DDX4: variants seen among roughly 807,000 people sequenced by gnomAD.
DDX4 encodes DEAD-box helicase 4.
DDX4 carries 25 observed loss-of-function variants against 100.0 expected under a neutral mutation model. The observed-to-expected ratio is 0.25, with a 90% CI of 0.18 to 0.35. The LOEUF (loss-of-function observed/expected upper bound fraction) is 0.35. Among genes scored for constraint, DDX4 ranks in the 10% least tolerant of loss-of-function variants. DDX4 has a pLI of 1.00. For synonymous variants in DDX4, 259 were observed against 275.7 expected, an observed-to-expected ratio of 0.94 and a Z score of 0.60; for missense variants, 635 against 882.4, an observed-to-expected ratio of 0.72 and a Z score of 3.55.
Position 55,816,708 on chromosome 5 carries a change from T to G in DDX4, c.*168T>G, listed in dbSNP as rs1470556853. 2.5e-6 allele frequency: 3 copies of G among 1,178,090 alleles called. No homozygotes were observed. The highest frequency in any genetic ancestry group is 3.1e-5 in the Admixed American group (1 of 32,170). The allele number at this position is 1,178,090 out of a possible 1,614,324, so 73.0% of individuals were successfully genotyped here. ...CTTACTGACTAGTTATGTGAGATGC[T>G]AAAACTTACAACATTGCAGTTACTG... is the stretch of plus-strand genomic sequence containing the variant. On this transcript the variant is annotated 3_prime_UTR_variant, in exon 22 of 22. Transcript: ENST00000505374.
At chr5:55,805,500 C>T (rs968033873) in intron 18 of DDX4, among the ~76,000 whole-genome samples, 12 of 151,842 alleles carry the variant, frequency 7.9e-5, no homozygotes, top group African/African-American at 2.9e-4. Flanking sequence ...TACGTCCCAT[C>T]AATACCTAAT....
chr5:55,751,725 A>G (rs1759563303), intron 3 of DDX4, among the ~76,000 whole-genome samples: 1 of 152,172 alleles, frequency 6.6e-6, no homozygotes, highest in African/African-American at 2.4e-5. Flanking sequence ...TAGACACTGA[A>G]TATCTTCTTC....
chr5:55,803,441 C>T (rs1743458493), intron 18 of DDX4, among the ~76,000 whole-genome samples: 1 of 148,902 alleles, frequency 6.7e-6, no homozygotes, highest in Admixed American at 6.7e-5. Flanking sequence ...CGTCATCTAG[C>T]ATTAGGTATA....
In DDX4 at chr5:55,755,011, G is replaced by A. The variant is rs561476780; in HGVS notation, c.128-5189G>A. On this transcript the variant is annotated intron_variant, in intron 3 of 21. Coordinates refer to ENST00000505374, the MANE Select transcript of DDX4 (RefSeq NM_024415.3). Reference sequence around the variant, plus strand: ...GGTAGTAACCATTTTTAAATGTACCGTTGAATCCCTTTTTTTCAATATGGT... The same window carrying A: ...GGTAGTAACCATTTTTAAATGTACCATTGAATCCCTTTTTTTCAATATGGT... 1.8e-3 allele frequency among the ~76,000 whole-genome samples: 276 copies of A among 152,194 alleles called. 2 individuals are homozygous for A. The highest frequency in any genetic ancestry group is 6.2e-3 in the African/African-American group (257 of 41,540).
chr5:55,753,384 A>T (rs905945642), intron 3 of DDX4, among the ~76,000 whole-genome samples: 81 of 152,180 alleles, frequency 5.3e-4, no homozygotes, highest in African/African-American at 1.6e-3. Context: ...TCAGCTTTCT[A>T]CATATGGCTA....
intron 7 of DDX4, among the ~76,000 whole-genome samples, chr5:55,775,097 A>T (rs749907922): frequency 2.6e-5 from 4 of 152,188 alleles, no homozygotes; most frequent in Admixed American, 6.5e-5. Flanking sequence ...TAGGTATTTC[A>T]TACAAGTGGA....
intron 15 of DDX4, among the ~76,000 whole-genome samples, chr5:55,788,572 CAG>C (rs1554079337): frequency 3.9e-5 from 6 of 152,116 alleles, no homozygotes; most frequent in Non-Finnish European, 7.4e-5. Context: ...AAAATGAACT[CAG>C]GGTATTCTAA....
intron 7 of DDX4, among the ~76,000 whole-genome samples, chr5:55,772,401 T>G (rs954523180): frequency 6.6e-6 from 1 of 152,184 alleles, no homozygotes; most frequent in Non-Finnish European, 1.5e-5. Context: ...TGTATCTGTT[T>G]CTCTAGGTTT....
chr5:55,773,614 C>T (rs1383201050), intron 7 of DDX4, among the ~76,000 whole-genome samples: 1 of 151,800 alleles, frequency 6.6e-6, no homozygotes, highest in African/African-American at 2.4e-5. Flanking sequence ...AGTGGTATCT[C>T]ATTGTGGGTT....
chr5:55,796,823 C>CTTTTTTTTTTTTTTTTTTTTT lies in DDX4; in HGVS notation c.1470-1589_1470-1569dup, dbSNP rs3990072. 3.2e-3 allele frequency among the ~76,000 whole-genome samples: 189 copies of CTTTTTTTTTTTTTTTTTTTTT among 59,952 alleles called. 23 individuals are homozygous for CTTTTTTTTTTTTTTTTTTTTT. Among genetic ancestry groups the CTTTTTTTTTTTTTTTTTTTTT allele is most frequent in the Middle Eastern group, 0.017 (1 of 60 alleles). The allele number at this position is 59,952 out of a possible 152,430, so 39.3% of individuals were successfully genotyped here. ...TTTTCTTTTCTTTTTTTCTTTCTTT[C>CTTTTTTTTTTTTTTTTTTTTT]TTTTTTTTTTTTTTTTTTTTTTTTT... On this transcript the variant is annotated intron_variant, in intron 17 of 21. Coordinates refer to ENST00000505374, the MANE Select transcript of DDX4 (RefSeq NM_024415.3).
chr5:55,801,973 A>G (rs2112123041), intron 18 of DDX4, among the ~76,000 whole-genome samples: 1 of 152,202 alleles, frequency 6.6e-6, no homozygotes, highest in South Asian at 2.1e-4. Context: ...CTTCCTTAAA[A>G]TCTCCAAGGC....
rs183780115 is a variant in DDX4, at chr5:55,807,166, A to G, written c.1616-6507A>G. 9.7e-3 allele frequency among the ~76,000 whole-genome samples: 1,475 copies of G among 151,588 alleles called. 12 individuals are homozygous for G. Among genetic ancestry groups the G allele is most frequent in the Middle Eastern group, 0.037 (11 of 294 alleles). On this transcript the variant is annotated intron_variant, in intron 18 of 21. Coordinates refer to ENST00000505374, the MANE Select transcript of DDX4 (RefSeq NM_024415.3). ...CAACCCCTGCCTTTTTTTGTTTTCC[A>G]TTTGCTTGGTAGATCTTCCTCCATC...
At chr5:55,751,943 T>G (rs1262934746) in intron 3 of DDX4, among the ~76,000 whole-genome samples, 1 of 152,188 alleles carries the variant, frequency 6.6e-6, no homozygotes, top group Non-Finnish European at 1.5e-5. Context: ...ACTCATCCTT[T>G]TTGAATCATG....
At chr5:55,756,920 A>T (rs954881624) in intron 3 of DDX4, among the ~76,000 whole-genome samples, 1 of 152,154 alleles carries the variant, frequency 6.6e-6, no homozygotes, top group Non-Finnish European at 1.5e-5. Flanking sequence ...ATATATATCA[A>T]TGACAGCATA....
At chr5:55,797,236 T>G (rs553072196) in intron 17 of DDX4, among the ~76,000 whole-genome samples, 23 of 152,326 alleles carry the variant, frequency 1.5e-4, no homozygotes, top group African/African-American at 5.3e-4. Flanking sequence ...CTTTGCACAT[T>G]TCTTGGAACA....
chr5:55,750,393 C>T (rs12653775), intron 3 of DDX4: 57,634 of 153,178 alleles, frequency 0.38, 12,024 homozygotes, highest in African/African-American at 0.54. Flanking sequence ...TCAGGAATTC[C>T]TGGTCCCAAA....
chr5:55,766,906 C>G (rs1308699311), intron 6 of DDX4: 1 of 1,514,520 alleles, frequency 6.6e-7, no homozygotes, highest in East Asian at 2.5e-5. Context: ...AAAATCATTC[C>G]TTTCAGAATA....
intron 18 of DDX4, among the ~76,000 whole-genome samples, chr5:55,803,199 T>G (rs1224143528): frequency 1.3e-5 from 2 of 149,918 alleles, no homozygotes; most frequent in South Asian, 4.3e-4. Context: ...ACATGTGGTG[T>G]TTGTTTTTTT....
chr5:55,803,247 C>A (rs2112131386), intron 18 of DDX4, among the ~76,000 whole-genome samples: 1 of 151,586 alleles, frequency 6.6e-6, no homozygotes, highest in African/African-American at 2.4e-5. Flanking sequence ...TGGTTTCCAG[C>A]TTCATCCATG....
Sources: gnomAD v4.1 joint callset for allele counts (sites outside exome capture counted in the v4.1 genomes callset) on GRCh38, gnomAD v4.1.1 for gene constraint, MANE v1.5 for transcripts, NCBI Gene and HGNC (gene_info 2026-07-23, HGNC 2026-07-21) for gene names.